Variants in LRIG2 observed in about 807,000 individuals in gnomAD.
LRIG2 encodes leucine-rich repeats and immunoglobulin-like domains protein 2.
In LRIG2, 93 loss-of-function variants were observed where a neutral mutation model predicts 107.8. The observed-to-expected ratio is 0.86, with a 90% CI of 0.73 to 1.03. The LOEUF (loss-of-function observed/expected upper bound fraction) is 1.03, where lower values mean the gene tolerates loss of function less well. LRIG2 is among the 50% of genes least tolerant of loss of function. The pLI, the probability that LRIG2 is intolerant of heterozygous loss-of-function variation, is 0.00. For synonymous variants in LRIG2, 471 were observed against 470.6 expected (o/e 1.00, Z -0.01); for missense variants, 1,226 against 1,296.0 (o/e 0.95, Z 0.83).
At position 113,124,370 on chromosome 1, in the gene LRIG2, G is replaced by T; in HGVS notation, c.*269G>T. 2.0e-6 allele frequency: 1 copy of T among 502,216 alleles called. No individual in the cohort carries two copies. Among genetic ancestry groups the T allele is most frequent in the Non-Finnish European group, 3.6e-6 (1 of 276,044 alleles). The allele number at this position is 502,216 out of a possible 1,614,324, so 31.1% of individuals were successfully genotyped here. A position where few individuals can be genotyped will look rare whatever the true frequency, so the allele number is the denominator to read the frequency against. The stretch of plus-strand genomic sequence containing the variant: ...CAAATGTGCTTCCTGATGCTTCCAT[G>T]GGGATGTGCCCTGGTGTGCATCTGC... On this transcript the variant is annotated 3_prime_UTR_variant, in exon 18 of 18. Coordinates refer to ENST00000361127, the MANE Select transcript of LRIG2 (RefSeq NM_014813.3).
intron 5 of LRIG2, 58 bp downstream of exon 5, chr1:113,094,540 C>A: frequency 6.4e-7 from 1 of 1,572,390 alleles, no homozygotes; most frequent in Non-Finnish European, 8.6e-7. Flanking sequence ...GGGTCTTTTT[C>A]TTTTTAATTT....
At chr1:113,102,829 C>G (rs891367510) in intron 11 of LRIG2, among the ~76,000 whole-genome samples, 1 of 152,018 alleles carries the variant, frequency 6.6e-6, no homozygotes, top group Admixed American at 6.5e-5. Context: ...AGAGTAGAAG[C>G]TGAGTAATGT....
At chr1:113,081,675 G>A (rs968017101) in intron 1 of LRIG2, among the ~76,000 whole-genome samples, 2 of 151,860 alleles carry the variant, frequency 1.3e-5, no homozygotes, top group Non-Finnish European at 2.9e-5. Context: ...CACCCGCCAC[G>A]AGGCCTGACT....
chr1:113,090,652 A>ATG (rs914275916), intron 1 of LRIG2, among the ~76,000 whole-genome samples: 1 of 151,542 alleles, frequency 6.6e-6, no homozygotes, highest in African/African-American at 2.4e-5. Flanking sequence ...CCTGGCTAAC[A>ATG]TGGTGAAACC....
intron 1 of LRIG2, among the ~76,000 whole-genome samples, chr1:113,078,859 C>T (rs1300333454): frequency 6.6e-6 from 1 of 151,068 alleles, no homozygotes; most frequent in African/African-American, 2.4e-5. Context: ...AGGCTGGTCT[C>T]AAACTCCCAA....
At chr1:113,084,055 C>T (rs2101021988) in intron 1 of LRIG2, among the ~76,000 whole-genome samples, 1 of 146,298 alleles carries the variant, frequency 6.8e-6, no homozygotes, top group East Asian at 2.0e-4. Flanking sequence ...GGCCTTATCC[C>T]AGTGATTCTC....
Position 113,123,989 on chromosome 1 carries a change from C to T in LRIG2, c.3086C>T (p.Ala1029Val). 1 of 1,614,060 alleles carries T rather than the reference C, an allele frequency of 6.2e-7. No homozygotes were observed. The highest frequency in any genetic ancestry group is 8.5e-7 in the Non-Finnish European group (1 of 1,179,998). The change falls in exon 18 of 18, where the codon GCA becomes GTA. Residue 1029 changes from alanine to valine, a missense_variant. This residue lies in a region of LRIG2 where 642 missense variants were observed against 712.2 expected (regional missense o/e 0.90). Transcript: ENST00000361127. ...CAACTTCATCAAAATGAGGGCCTGG[C>T]AGGGAGAGAGCCAGACTGTTCTGCT... is the stretch of plus-strand genomic sequence containing the variant. ...SPQLHQNEGL[A>V]GREPDCSASS...
intron 1 of LRIG2, among the ~76,000 whole-genome samples, chr1:113,089,743 G>A (rs557933534): frequency 4.3e-5 from 6 of 140,066 alleles, no homozygotes; most frequent in Admixed American, 2.4e-4. Context: ...GTGCAGTGGT[G>A]CAATCTTGGC....
chr1:113,121,264 G>C (rs1300982411), intron 17 of LRIG2, among the ~76,000 whole-genome samples: 4 of 152,162 alleles, frequency 2.6e-5, no homozygotes, highest in African/African-American at 9.7e-5. Flanking sequence ...TGTCTCACAT[G>C]GCCCAGGAAA....
In LRIG2 at chr1:113,098,635, C is replaced by G. The variant is rs532092415; in HGVS notation, c.1092-70C>G. ...CATGTGTACCTTGACATCACCATAC[C>G]AGGATACTGCTCAATGTTGTGATGG... On this transcript the variant is annotated intron_variant, in intron 8 of 17. Coordinates refer to ENST00000361127, the MANE Select transcript of LRIG2 (RefSeq NM_014813.3). 4.5e-5 allele frequency: 41 copies of G among 916,222 alleles called. No homozygotes were observed. The African/African-American group carries it at 5.2e-4, about 12-fold the overall frequency. The allele number at this position is 916,222 out of a possible 1,614,324, so 56.8% of individuals were successfully genotyped here.
At chr1:113,117,907 AT>A (rs142983818) in intron 16 of LRIG2, among the ~76,000 whole-genome samples, 5 of 150,918 alleles carry the variant, frequency 3.3e-5, no homozygotes, top group African/African-American at 4.9e-5. Context: ...CTGTTGCATG[AT>A]TTTTTTTTGT....
At chr1:113,113,624 G>C (rs763050779) in intron 14 of LRIG2, among the ~76,000 whole-genome samples, 1 of 151,296 alleles carries the variant, frequency 6.6e-6, no homozygotes, top group African/African-American at 2.4e-5. Context: ...ATGCAGTGGC[G>C]CAATCTCGGC....
intron 1 of LRIG2, among the ~76,000 whole-genome samples, chr1:113,083,108 G>A (rs528583092): frequency 1.3e-5 from 2 of 150,944 alleles, no homozygotes; most frequent in South Asian, 2.1e-4. Context: ...ACAGGGTCTC[G>A]CCATGTTGCC....
intron 13 of LRIG2, among the ~76,000 whole-genome samples, chr1:113,111,595 A>C (rs1654777865): frequency 6.6e-6 from 1 of 152,236 alleles, no homozygotes; most frequent in Non-Finnish European, 1.5e-5. Flanking sequence ...CACTCCACAC[A>C]GGATCATTTT....
chr1:113,119,506 C>T lies in LRIG2; in HGVS notation c.2954C>T (p.Ser985Phe). ...HERISEKKLPSTQMSGETLQR... is the reference protein window; with the variant it reads ...HERISEKKLPFTQMSGETLQR... ...AGGATAAGTGAGAAGAAACTTCCCT[C>T]CACACAGATGAGCGGTGGTAAGGGA... is the stretch of plus-strand genomic sequence containing the variant. The change falls in exon 17 of 18, where the codon TCC becomes TTC. Residue 985 changes from serine to phenylalanine, a missense_variant. By Grantham distance (155) the Ser-to-Phe change is radical. Coordinates refer to ENST00000361127, the MANE Select transcript of LRIG2 (RefSeq NM_014813.3). 1 of 1,614,020 alleles carries T rather than the reference C, an allele frequency of 6.2e-7. No individual in the cohort carries two copies. Among genetic ancestry groups the T allele is most frequent in the Non-Finnish European group, 8.5e-7 (1 of 1,179,956 alleles).
rs1653814057 is a variant in LRIG2, at chr1:113,091,320, A to T, written c.242A>T (p.Asp81Val). Residue 81 changes from aspartate (D) to valine (V), a missense_variant and splice_region_variant, in exon 2 of 18, where the codon GAT becomes GTT. This residue lies in a region of LRIG2 where 570 missense variants were observed against 550.2 expected (regional missense o/e 1.04). Coordinates refer to ENST00000361127, the MANE Select transcript of LRIG2 (RefSeq NM_014813.3). ...AATGATATTTTGTCCTCTTTCAGGG[A>T]TTTCAGTCATAATCGGTTGTCTAAC... ...GLLPPDTAIL[D>V]FSHNRLSNWN... The T allele has an allele frequency of 6.3e-7, 1 of 1,597,778 alleles. No homozygotes were observed. The highest frequency in any genetic ancestry group is 1.7e-5 in the Admixed American group (1 of 59,252).
intron 1 of LRIG2, among the ~76,000 whole-genome samples, chr1:113,074,260 C>A (rs1409220694): frequency 6.6e-6 from 1 of 152,170 alleles, no homozygotes. Flanking sequence ...TTAAACTTCA[C>A]TGTAAAGAGG....
At chr1:113,088,498 A>C (rs1280350085) in intron 1 of LRIG2, among the ~76,000 whole-genome samples, 1 of 152,176 alleles carries the variant, frequency 6.6e-6, no homozygotes, top group Non-Finnish European at 1.5e-5. Flanking sequence ...TCATAGGAGA[A>C]CTCTAGGGGA....
chr1:113,122,075 C>CTTTTT (rs758568453), intron 17 of LRIG2, among the ~76,000 whole-genome samples: 37 of 87,088 alleles, frequency 4.2e-4, no homozygotes, highest in African/African-American at 5.0e-4. Flanking sequence ...TTAGGCTCAC[C>CTTTTT]TTTTTTTTTT....
Sources: allele counts gnomAD v4.1 joint callset (sites outside exome capture counted in the v4.1 genomes callset), GRCh38; gene constraint gnomAD v4.1.1; regional missense constraint gnomAD v4.1.1; transcripts MANE v1.5; gene names NCBI Gene and HGNC (gene_info 2026-07-23, HGNC 2026-07-21).